Variants in STAT4 observed in about 807,000 individuals in gnomAD.
The protein encoded by STAT4 is signal transducer and activator of transcription 4.
In STAT4, 42 loss-of-function variants were observed where a neutral mutation model predicts 110.5. The ratio of observed to expected loss-of-function variants is 0.38; its 90% CI spans 0.30 to 0.49. The LOEUF is 0.49. Ranked by LOEUF, STAT4 falls within the 20% of genes least tolerant of loss-of-function variation. The pLI, the probability that STAT4 is intolerant of heterozygous loss-of-function variation, is 0.95. For missense variants in STAT4, 632 were observed against 887.9 expected (o/e 0.71, Z 3.66); for synonymous variants, 284 against 302.2 (o/e 0.94, Z 0.63).
At chr2:191,114,753 G>T (rs2125372607) in intron 3 of STAT4, among the ~76,000 whole-genome samples, 1 of 152,298 alleles carries the variant, frequency 6.6e-6, no homozygotes, top group Non-Finnish European at 1.5e-5. Flanking sequence ...TTTACGGGCT[G>T]CAGAGCTGGG....
rs919436994 is a variant in STAT4, at chr2:191,091,124, G to C, written c.274-14799C>G. ...GAAAGTGTTTAGACAAGATTATAAG[G>C]ACAAGAAAATGAAATAGTAAACGTA... is the stretch of plus-strand genomic sequence containing the variant. On this transcript the variant is annotated intron_variant, in intron 3 of 23. Transcript: ENST00000392320. The surrounding 1 kb of genome is among the most constrained non-coding windows in gnomAD (Gnocchi z 5.4). Among the ~76,000 whole-genome samples, 4 of 152,028 alleles carry C rather than the reference G, an allele frequency of 2.6e-5. No homozygotes were observed. Among genetic ancestry groups the C allele is most frequent in the Non-Finnish European group, 4.4e-5 (3 of 68,004 alleles).
rs1696358651 is a variant in STAT4, at chr2:191,046,503, G to C, written c.1252-5355C>G. Reference sequence around the variant, plus strand: ...TGCTTGGGAGAGTAGACCTGGAGAGGCCTACACAGACCCTGGAAGTGGGCT... The same window carrying C: ...TGCTTGGGAGAGTAGACCTGGAGAGCCCTACACAGACCCTGGAAGTGGGCT... On this transcript the variant is annotated intron_variant, in intron 14 of 23. Coordinates refer to ENST00000392320, the MANE Select transcript of STAT4 (RefSeq NM_003151.4). This position sits in a 1 kb window ranked among gnomAD's most constrained non-coding sequence, Gnocchi z 4.6. Among the ~76,000 whole-genome samples, 1 of 152,128 alleles carries C rather than the reference G, an allele frequency of 6.6e-6. No individual in the cohort carries two copies. The highest frequency in any genetic ancestry group is 2.1e-4 in the South Asian group (1 of 4,830).
chr2:191,132,012 A>G (rs1699049421), intron 3 of STAT4: 6 of 1,186,862 alleles, frequency 5.1e-6, no homozygotes, highest in East Asian at 3.2e-5. Context: ...TTCATTCCAC[A>G]CTAAATTACA....
rs1461885824 is a variant in STAT4 at position 191,116,008 on chromosome 2, G to C, written c.273+30605C>G. On this transcript the variant is annotated intron_variant, in intron 3 of 23. Transcript: ENST00000392320. The surrounding 1 kb of genome is among the most constrained non-coding windows in gnomAD (Gnocchi z 4.1). ...TACTTCCTGCAGGAGTAAGGTATTA[G>C]TCATATGGTACGTTTGGTTGAAATG... is the stretch of plus-strand genomic sequence containing the variant. Among the ~76,000 whole-genome samples, 1 of 152,140 alleles carries C rather than the reference G, an allele frequency of 6.6e-6. No homozygotes were observed. The highest frequency in any genetic ancestry group is 1.9e-4 in the East Asian group (1 of 5,194).
Position 191,110,975 on chromosome 2 carries a change from A to G in STAT4, c.274-34650T>C, listed in dbSNP as rs1485857892. 6.6e-6 allele frequency among the ~76,000 whole-genome samples: 1 copy of G among 152,000 alleles called. No individual in the cohort carries two copies. Among genetic ancestry groups the G allele is most frequent in the East Asian group, 1.9e-4 (1 of 5,176 alleles). On this transcript the variant is annotated intron_variant, in intron 3 of 23. Coordinates refer to ENST00000392320, the MANE Select transcript of STAT4 (RefSeq NM_003151.4). This position sits in a 1 kb window ranked among gnomAD's most constrained non-coding sequence, Gnocchi z 4.5. ...ATTTTTCTGTATTTTTAGTAGAGAC[A>G]AGGTTTCACCATGTTGCCCAGGCTG...
rs1215022469 is a variant in STAT4 at position 191,140,393 on chromosome 2, C to G, written c.273+6220G>C. On this transcript the variant is annotated intron_variant, in intron 3 of 23. Coordinates refer to ENST00000392320, the MANE Select transcript of STAT4 (RefSeq NM_003151.4). The surrounding 1 kb of genome is among the most constrained non-coding windows in gnomAD (Gnocchi z 4.4). ...TAATCTGCAAGGAACTCAAACAAAT[C>G]AGCAAAAAAACTAATAATAATCCCA... Among the ~76,000 whole-genome samples, 1 of 152,072 alleles carries G rather than the reference C, an allele frequency of 6.6e-6. No homozygotes were observed. The highest frequency in any genetic ancestry group is 2.4e-5 in the African/African-American group (1 of 41,426).
intron 13 of STAT4, among the ~76,000 whole-genome samples, chr2:191,057,083 C>G (rs769226867): frequency 1.3e-5 from 2 of 152,092 alleles, no homozygotes; most frequent in African/African-American, 2.4e-5. Flanking sequence ...GTGCCCGGCC[C>G]CTTCTACGCT....
chr2:191,118,690 TTATC>T (rs1456662344), intron 3 of STAT4, among the ~76,000 whole-genome samples: 1 of 152,212 alleles, frequency 6.6e-6, no homozygotes, highest in Non-Finnish European at 1.5e-5. Flanking sequence ...AATGTATCCT[TTATC>T]TATGTGAGAA....
upstream of STAT4, chr2:191,151,088 G>A: frequency 1.0e-6 from 1 of 985,482 alleles, no homozygotes; most frequent in Non-Finnish European, 1.2e-6. The surrounding 1 kb of genome is among the most constrained non-coding windows in gnomAD (Gnocchi z 4.7). Flanking sequence ...TTTCCTGTGC[G>A]TCAGTGTTCG....
At position 191,037,999 on chromosome 2, in the gene STAT4, T is replaced by C. The variant is rs777289471; in HGVS notation, c.1434+1200A>G. ...GCTCTAGATTCTCATCCTAGAGCCA[T>C]GTAAATTTGGGATGATGGGTGTGAC... On this transcript the variant is annotated intron_variant, in intron 16 of 23. Coordinates refer to ENST00000392320, the MANE Select transcript of STAT4 (RefSeq NM_003151.4). The surrounding 1 kb of genome is among the most constrained non-coding windows in gnomAD (Gnocchi z 4.8). Among the ~76,000 whole-genome samples, 3 of 152,314 alleles carry C rather than the reference T, an allele frequency of 2.0e-5. No homozygotes were observed. Among genetic ancestry groups the C allele is most frequent in the East Asian group, 1.9e-4 (1 of 5,190 alleles).
At chr2:191,096,318 A>C (rs1392365576) in intron 3 of STAT4, among the ~76,000 whole-genome samples, 1 of 152,224 alleles carries the variant, frequency 6.6e-6, no homozygotes, top group Non-Finnish European at 1.5e-5. Flanking sequence ...CACAACAAAA[A>C]AAGAGAATTT....
chr2:191,035,504 G>A lies in STAT4; in HGVS notation c.1570+660C>T, dbSNP rs1201573813. 6.6e-6 allele frequency among the ~76,000 whole-genome samples: 1 copy of A among 151,944 alleles called. No individual in the cohort carries two copies. Among genetic ancestry groups the A allele is most frequent in the African/African-American group, 2.4e-5 (1 of 41,356 alleles). On this transcript the variant is annotated intron_variant, in intron 17 of 23. Coordinates refer to ENST00000392320, the MANE Select transcript of STAT4 (RefSeq NM_003151.4). This position sits in a 1 kb window ranked among gnomAD's most constrained non-coding sequence, Gnocchi z 4.7. ...AGATCTAATTTTAACTCTTTTTTTG[G>A]TGTTAAATATGTTAAACCCTGACTT...
intron 1 of STAT4, among the ~76,000 whole-genome samples, chr2:191,148,638 C>A (rs1437471757): frequency 6.6e-6 from 1 of 152,068 alleles, no homozygotes; most frequent in East Asian, 1.9e-4. Flanking sequence ...TGAGGAACAA[C>A]CCCCCAAGAA....
chr2:191,100,923 GA>G (rs1698133724), intron 3 of STAT4, among the ~76,000 whole-genome samples: 1 of 152,020 alleles, frequency 6.6e-6, no homozygotes, highest in African/African-American at 2.4e-5. Context: ...AAATGGACTG[GA>G]AAGTCCTCAG....
Position 191,073,098 on chromosome 2 carries a change from C to T in STAT4, c.465G>A (p.Gln155=), listed in dbSNP as rs1383343462. ...HKVAAIKNSV[Q]MTEQDTKYLE... is the part of the protein sequence containing the mutation. Reference sequence around the variant, plus strand: ...TAGGTATCTGTATAAAAGCACTTACCTGCACACTGTTTTTAATGGCAGCCA... The same window carrying T: ...TAGGTATCTGTATAAAAGCACTTACTTGCACACTGTTTTTAATGGCAGCCA... Residue 155 remains glutamine, a splice_region_variant and synonymous_variant, in exon 5 of 24, where the codon CAG becomes CAA. Coordinates refer to ENST00000392320, the MANE Select transcript of STAT4 (RefSeq NM_003151.4). 3 of 1,613,696 alleles carry T rather than the reference C, an allele frequency of 1.9e-6. No homozygotes were observed. The South Asian group carries it at 3.3e-5, about 18-fold the overall frequency.
chr2:191,131,832 T>C (rs766742963), intron 3 of STAT4: 1 of 1,442,474 alleles, frequency 6.9e-7, no homozygotes, highest in South Asian at 1.5e-5. Context: ...AGGGACAAGA[T>C]TTGGACCTTT....
chr2:191,072,647 C>T (rs1220115984), intron 5 of STAT4, among the ~76,000 whole-genome samples: 2 of 151,998 alleles, frequency 1.3e-5, no homozygotes, highest in African/African-American at 4.8e-5. Flanking sequence ...TTATTTAAGA[C>T]ATCTTCACTA....
In STAT4 at chr2:191,031,654, T is replaced by C; in HGVS notation, c.2045-138A>G. 1.5e-6 allele frequency: 1 copy of C among 673,400 alleles called. No individual in the cohort carries two copies. The highest frequency in any genetic ancestry group is 2.9e-5 in the Admixed American group (1 of 34,436). 41.7% of individuals were successfully genotyped at this position (673,400 alleles called of 1,614,324 possible). ...GCAGTTGTTCGGTGATACACAGAAATGTTTTGTTAAATAGGGGACACAATC... is the reference window on the plus strand; with the variant it reads ...GCAGTTGTTCGGTGATACACAGAAACGTTTTGTTAAATAGGGGACACAATC... On this transcript the variant is annotated intron_variant, in intron 21 of 23. Coordinates refer to ENST00000392320, the MANE Select transcript of STAT4 (RefSeq NM_003151.4). The surrounding 1 kb of genome is among the most constrained non-coding windows in gnomAD (Gnocchi z 4.8).
At position 191,104,865 on chromosome 2, in the gene STAT4, G is replaced by A. The variant is rs2125343358; in HGVS notation, c.274-28540C>T. ...AAGACTGAGACCACCTGGTGCTTGA[G>A]CAGAAAAAAGTCCCAATGGCCCATC... On this transcript the variant is annotated intron_variant, in intron 3 of 23. Coordinates refer to ENST00000392320, the MANE Select transcript of STAT4 (RefSeq NM_003151.4). This position sits in a 1 kb window ranked among gnomAD's most constrained non-coding sequence, Gnocchi z 4.3. 6.6e-6 allele frequency among the ~76,000 whole-genome samples: 1 copy of A among 152,140 alleles called. No homozygotes were observed. Among genetic ancestry groups the A allele is most frequent in the South Asian group, 2.1e-4 (1 of 4,802 alleles).
Sources: allele counts gnomAD v4.1 joint callset (sites outside exome capture counted in the v4.1 genomes callset), GRCh38; gene constraint gnomAD v4.1.1; non-coding constraint Gnocchi (gnomAD v3.1); transcripts MANE v1.5; gene names NCBI Gene and HGNC (gene_info 2026-07-23, HGNC 2026-07-21).